The following GNAL variants were observed in gnomAD, a reference collection of about 807,000 sequenced individuals.
GNAL encodes the protein G protein subunit alpha L.
Under a neutral mutation model 55.1 loss-of-function variants are expected in GNAL, and 18 were observed. That is an observed-to-expected ratio of 0.33 (90% CI 0.23 to 0.48). The LOEUF is 0.48. Among genes scored for constraint, GNAL ranks in the 20% least tolerant of loss-of-function variants. The pLI is 0.99. For missense variants in GNAL, 412 were observed against 614.1 expected, an observed-to-expected ratio of 0.67 and a Z score of 3.48; for synonymous variants, 253 against 237.0, an observed-to-expected ratio of 1.07 and a Z score of -0.62.
chr18:11,787,743 G>A (rs1339280062), intron 4 of GNAL, among the ~76,000 whole-genome samples: 3 of 151,986 alleles, frequency 2.0e-5, no homozygotes, highest in African/African-American at 4.8e-5. Flanking sequence ...GCATGGTGGC[G>A]GGTGCCTGTA....
At chr18:11,787,500 C>G (rs1343039793) in intron 4 of GNAL, among the ~76,000 whole-genome samples, 1 of 152,166 alleles carries the variant, frequency 6.6e-6, no homozygotes, top group Admixed American at 6.5e-5. Flanking sequence ...CAGAACATTT[C>G]AAGTGTTGTT....
chr18:11,695,054 G>A (rs2031367004), intron 1 of GNAL, among the ~76,000 whole-genome samples: 1 of 151,964 alleles, frequency 6.6e-6, no homozygotes, highest in Non-Finnish European at 1.5e-5. Flanking sequence ...GTCATGTGGG[G>A]GGTTAGGGCT....
intron 4 of GNAL, among the ~76,000 whole-genome samples, chr18:11,809,761 A>G (rs1410188300): frequency 2.0e-5 from 3 of 151,758 alleles, no homozygotes; most frequent in Non-Finnish European, 4.4e-5. Context: ...AAAAATAGAA[A>G]GAGGGAAAAT....
chr18:11,798,414 T>G (rs2034443581), intron 4 of GNAL, among the ~76,000 whole-genome samples: 1 of 152,188 alleles, frequency 6.6e-6, no homozygotes. Context: ...TCGAACAAAC[T>G]AGACAGAAGT....
chr18:11,861,947 C>T (rs1031369219), intron 5 of GNAL, among the ~76,000 whole-genome samples: 2 of 138,484 alleles, frequency 1.4e-5, no homozygotes, highest in African/African-American at 5.4e-5. Flanking sequence ...CGCTCTTACA[C>T]ATATTCACGC....
intron 4 of GNAL, among the ~76,000 whole-genome samples, chr18:11,816,589 C>T (rs1160795578): frequency 1.3e-5 from 2 of 152,066 alleles, no homozygotes; most frequent in South Asian, 2.1e-4. Flanking sequence ...CCACCGTACC[C>T]GGCCACTCTA....
chr18:11,866,832 C>G (rs1302404669), intron 7 of GNAL, among the ~76,000 whole-genome samples: 1 of 151,218 alleles, frequency 6.6e-6, no homozygotes, highest in Non-Finnish European at 1.5e-5. Context: ...GCCTGAGTGT[C>G]TGAGCAGGTA....
intron 1 of GNAL, among the ~76,000 whole-genome samples, chr18:11,708,366 G>C (rs1476599535): frequency 6.6e-6 from 1 of 152,202 alleles, no homozygotes; most frequent in African/African-American, 2.4e-5. Context: ...TGGCTGGTCA[G>C]TACAGCAGTC....
At chr18:11,740,716 T>C (rs918218414) in intron 1 of GNAL, among the ~76,000 whole-genome samples, 9 of 152,208 alleles carry the variant, frequency 5.9e-5, no homozygotes, top group African/African-American at 2.2e-4. Context: ...AACCATACAA[T>C]ACATCTAAAT....
chr18:11,774,378 G>A (rs1056054070), intron 4 of GNAL, among the ~76,000 whole-genome samples: 1 of 152,208 alleles, frequency 6.6e-6, no homozygotes, highest in African/African-American at 2.4e-5. Flanking sequence ...CTGAAATAGT[G>A]TAGACTAAAA....
chr18:11,708,082 G>A (rs2031755487), intron 1 of GNAL, among the ~76,000 whole-genome samples: 1 of 152,200 alleles, frequency 6.6e-6, no homozygotes, highest in Non-Finnish European at 1.5e-5. Context: ...TCGTTAGTGT[G>A]TTCACTGGAG....
At chr18:11,794,759 T>TAAAAAAAAAAAAAAA (rs775143875) in intron 4 of GNAL, among the ~76,000 whole-genome samples, 1 of 90,376 alleles carries the variant, frequency 1.1e-5, no homozygotes, top group African/African-American at 4.1e-5. Flanking sequence ...ACACACAGGT[T>TAAAAAAAAAAAAAAA]AAAAAAAAAA....
intron 5 of GNAL, chr18:11,851,620 A>T: frequency 2.5e-6 from 4 of 1,613,922 alleles, no homozygotes; most frequent in Non-Finnish European, 3.4e-6. Context: ...GGCCAAAATT[A>T]AAAAGGCCAT....
chr18:11,867,108 C>A, intron 7 of GNAL, 60 bp from the exon 8 acceptor site: 1 of 1,282,092 alleles, frequency 7.8e-7, no homozygotes, highest in Non-Finnish European at 1.1e-6. Context: ...GGAAAGCAAG[C>A]ACGTTTGCCA....
intron 10 of GNAL, among the ~76,000 whole-genome samples, chr18:11,875,122 G>C (rs572171830): frequency 1.3e-5 from 2 of 152,204 alleles, no homozygotes; most frequent in African/African-American, 4.8e-5. Flanking sequence ...GCATGCCTGA[G>C]TGGGGAGCAG....
chr18:11,884,718 C>G lies in GNAL; in HGVS notation c.*3583C>G. The G allele has an allele frequency of 7.0e-7, 1 of 1,423,942 alleles. No individual in the cohort carries two copies. Among genetic ancestry groups the G allele is most frequent in the South Asian group, 1.3e-5 (1 of 77,992 alleles). 88.2% of individuals were successfully genotyped at this position (1,423,942 alleles called of 1,614,324 possible). ...AACAGCAGAGGGAAGACTGCCTTCTCAGGTCCCCCTCAGGTGAGGCAGGGA... is the reference window on the plus strand; with the variant it reads ...AACAGCAGAGGGAAGACTGCCTTCTGAGGTCCCCCTCAGGTGAGGCAGGGA... On this transcript the variant is annotated 3_prime_UTR_variant, in exon 12 of 12. Transcript: ENST00000334049.
intron 4 of GNAL, among the ~76,000 whole-genome samples, chr18:11,768,843 G>A (rs1190711662): frequency 2.1e-5 from 3 of 144,392 alleles, no homozygotes; most frequent in African/African-American, 5.1e-5. Context: ...GCAGTGAGCC[G>A]AGATCACGCC....
chr18:11,873,792 C>T (rs1050294565), intron 10 of GNAL, among the ~76,000 whole-genome samples: 1 of 152,250 alleles, frequency 6.6e-6, no homozygotes, highest in Non-Finnish European at 1.5e-5. Context: ...CTTTAATTCT[C>T]CCGCTAACCG....
intron 4 of GNAL, among the ~76,000 whole-genome samples, chr18:11,768,875 C>T (rs1292625948): frequency 1.5e-5 from 2 of 135,830 alleles, no homozygotes; most frequent in Non-Finnish European, 3.1e-5. Flanking sequence ...ACCTGGGCGA[C>T]GGAGCAAGAC....
Sources: allele counts gnomAD v4.1 joint callset (sites outside exome capture counted in the v4.1 genomes callset), GRCh38; gene constraint gnomAD v4.1.1; transcripts MANE v1.5; gene names NCBI Gene and HGNC (gene_info 2026-07-23, HGNC 2026-07-21).